Variants in LPA observed in about 807,000 individuals in gnomAD.
LPA encodes lipoprotein(a).
In LPA, 199 loss-of-function variants were observed where a neutral mutation model predicts 197.9. The observed-to-expected ratio is 1.01, with a 90% confidence interval of 0.90 to 1.13. The LOEUF is 1.13. LPA is among the 50% of genes most tolerant of loss of function. The pLI, the probability that LPA is intolerant of heterozygous loss-of-function variation, is 0.00. For missense variants in LPA, 1,853 were observed against 1,785.8 expected, an observed-to-expected ratio of 1.04 and a Z score of -0.68; for synonymous variants, 715 against 639.5, an observed-to-expected ratio of 1.12 and a Z score of -1.78.
In LPA at chr6:160,660,899, T is replaced by C. The variant is rs1780213645; in HGVS notation, c.49+3267A>G. On this transcript the variant is annotated intron_variant, in intron 1 of 38. Transcript: ENST00000316300. ...CAAGGTGTTGATAGGCATCCAGATTTCAGAGGAAATTGTAAAAAAGCAGAA... is the reference window on the plus strand; with the variant it reads ...CAAGGTGTTGATAGGCATCCAGATTCCAGAGGAAATTGTAAAAAAGCAGAA... Among the ~76,000 whole-genome samples the C allele has an allele frequency of 2.6e-5, 4 of 152,290 alleles. No individual in the cohort carries two copies. The East Asian group carries it at 7.7e-4, about 29-fold the overall frequency.
intron 22 of LPA, among the ~76,000 whole-genome samples, chr6:160,593,559 T>C (rs534055770): frequency 1.7e-4 from 26 of 152,272 alleles, no homozygotes; most frequent in African/African-American, 5.5e-4. Flanking sequence ...AGATATCCTT[T>C]ATTTGTTGCC....
rs370766603 is a variant in LPA at position 160,606,643 on chromosome 6, G to T, written c.2619C>A (p.Asn873Lys). The T allele has an allele frequency of 6.2e-7, 1 of 1,614,040 alleles. No homozygotes were observed. The highest frequency in any genetic ancestry group is 8.5e-7 in the Non-Finnish European group (1 of 1,179,950). Residue 873 changes from asparagine to lysine, a missense_variant, in exon 17 of 39, where the codon AAC (asparagine) becomes AAA (lysine). Around this residue, in one of 3 missense-constraint regions of LPA, gnomAD observed 1,737 missense variants for 1,504.4 expected, o/e 1.15. Coordinates refer to ENST00000316300, the MANE Select transcript of LPA (RefSeq NM_005577.4). The stretch of plus-strand genomic sequence containing the variant: ...CCACAGGATCTGGATTCCTGCAGTA[G>T]TTCATGATCAAGCCACTGGAAATTC... ...EYYPNAGLIM[N>K]YCRNPDPVAA...
At position 160,605,197 on chromosome 6, in the gene LPA, C is replaced by T. The variant is rs1189864114; in HGVS notation, c.2794G>A (p.Glu932Lys). 5.6e-6 allele frequency: 9 copies of T among 1,613,636 alleles called. No individual in the cohort carries two copies. The highest frequency in any genetic ancestry group is 1.1e-5 in the South Asian group (1 of 91,084). The change falls in exon 18 of 39, where the codon GAG becomes AAG. Residue 932 changes from glutamate (E) to lysine (K), a missense_variant. By Grantham distance (56) the Glu-to-Lys change is moderately conservative. Transcript: ENST00000316300. ...CACTCCTGCACCCCAGGCCTTTGCT[C>T]AGTTGGTGCTGAAATGAAAAGAAAA... Reference protein sequence around the residue: ...LEAPSEQAPTEQRPGVQECYH... With the variant: ...LEAPSEQAPTKQRPGVQECYH...
chr6:160,611,170 A>T (rs531384954), intron 16 of LPA, among the ~76,000 whole-genome samples: 25 of 152,258 alleles, frequency 1.6e-4, no homozygotes, highest in African/African-American at 5.5e-4. Flanking sequence ...TTTCCTCATG[A>T]GCCCAGACAG....
chr6:160,634,528 T>C (rs1159941421), intron 7 of LPA, among the ~76,000 whole-genome samples: 1 of 141,088 alleles, frequency 7.1e-6, no homozygotes, highest in Non-Finnish European at 1.5e-5. Context: ...CTAACCTTTC[T>C]CTCTAGACCC....
At chr6:160,599,142 G>A (rs1779188045) in intron 20 of LPA, among the ~76,000 whole-genome samples, 1 of 152,182 alleles carries the variant, frequency 6.6e-6, no homozygotes, top group Non-Finnish European at 1.5e-5. Context: ...AGGAGACCAA[G>A]ACCATCCTGG....
chr6:160,578,166 T>TA (rs780232259), intron 27 of LPA, among the ~76,000 whole-genome samples: 8 of 152,192 alleles, frequency 5.3e-5, no homozygotes, highest in Non-Finnish European at 1.0e-4. Context: ...AAGTCTACTT[T>TA]AAATCACTGG....
intron 26 of LPA, among the ~76,000 whole-genome samples, chr6:160,584,828 A>G (rs2115038053): frequency 6.6e-6 from 1 of 152,244 alleles, no homozygotes; most frequent in Middle Eastern, 3.4e-3. Context: ...CCACCTCCAT[A>G]TATCCTGCTG....
chr6:160,586,597 A>C lies in LPA; in HGVS notation c.3981T>G (p.Asp1327Glu). ...TATAACACCAAGGGCGAATCTCAGC[A>C]TCTGGATTCCTGCAGTAGTTCCTGG... ...GLTRNYCRNP[D>E]AEIRPWCYTM... Residue 1327 changes from aspartate (D) to glutamate (E), a missense_variant, in exon 25 of 39, where the codon GAT becomes GAG. By Grantham distance (45) the Asp-to-Glu change is conservative. Coordinates refer to ENST00000316300, the MANE Select transcript of LPA (RefSeq NM_005577.4). 2 of 1,613,792 alleles carry C rather than the reference A, an allele frequency of 1.2e-6. No homozygotes were observed. The highest frequency in any genetic ancestry group is 1.7e-6 in the Non-Finnish European group (2 of 1,179,794).
At chr6:160,652,124 A>G (rs1780018371) in intron 1 of LPA, among the ~76,000 whole-genome samples, 1 of 151,650 alleles carries the variant, frequency 6.6e-6, no homozygotes, top group Non-Finnish European at 1.5e-5. Context: ...AGAGAAGTGA[A>G]AAAAAAAACA....
At chr6:160,602,254 T>C (rs1779258627) in intron 18 of LPA, among the ~76,000 whole-genome samples, 2 of 152,194 alleles carry the variant, frequency 1.3e-5, no homozygotes, top group African/African-American at 4.8e-5. Context: ...TTTGGATACA[T>C]GGAAAATTCT....
At position 160,551,981 on chromosome 6, in the gene LPA, A is replaced by G. The variant is rs1003765878; in HGVS notation, c.4974-3322T>C. Among the ~76,000 whole-genome samples the G allele has an allele frequency of 2.0e-5, 3 of 150,854 alleles. No homozygotes were observed. In the East Asian group the frequency reaches 5.8e-4, roughly 29 times the overall value. ...CAGGCTGGAATGCAGAGGCATGATC[A>G]ATGCTCACTCATGGCTAGACCTCCT... On this transcript the variant is annotated intron_variant, in intron 30 of 38. Transcript: ENST00000316300.
At chr6:160,561,854 C>T (rs1170671538) in intron 28 of LPA, among the ~76,000 whole-genome samples, 1 of 152,120 alleles carries the variant, frequency 6.6e-6, no homozygotes, top group Non-Finnish European at 1.5e-5. Flanking sequence ...GGAATTCACT[C>T]AGGATTTGGC....
At chr6:160,576,230 C>T (rs1207644869) in intron 28 of LPA, among the ~76,000 whole-genome samples, 9 of 150,556 alleles carry the variant, frequency 6.0e-5, no homozygotes, top group East Asian at 1.9e-4. Context: ...GACTCTCATC[C>T]GCCTTCCTGC....
rs775579020 is a variant in LPA, at chr6:160,540,115, A to G, written c.5663T>C (p.Val1888Ala). Reference sequence around the variant, plus strand: ...CAGCCTAGACACTTCTATTTCCTGAACATGAGATTCGAGGTTCACTTCTTG... The same window carrying G: ...CAGCCTAGACACTTCTATTTCCTGAGCATGAGATTCGAGGTTCACTTCTTG... The part of the protein sequence containing the change: ...AHQEVNLESH[V>A]QEIEVSRLFL... The change falls in exon 36 of 39, where the codon GTT (valine) becomes GCT (alanine). Residue 1888 changes from valine to alanine, a missense_variant. By Grantham distance (64) the Val-to-Ala change is moderately conservative (BLOSUM62 0). Transcript: ENST00000316300. 6.2e-7 allele frequency: 1 copy of G among 1,614,116 alleles called. No homozygotes were observed. The highest frequency in any genetic ancestry group is 8.5e-7 in the Non-Finnish European group (1 of 1,180,008).
intron 37 of LPA, among the ~76,000 whole-genome samples, chr6:160,535,623 G>A (rs1777882471): frequency 6.6e-6 from 1 of 151,704 alleles, no homozygotes; most frequent in East Asian, 2.0e-4. Context: ...GATGATATTG[G>A]TGATGGTGGT....
chr6:160,553,954 T>TGCGCGCGCGC (rs1554231703), intron 30 of LPA, among the ~76,000 whole-genome samples: 2 of 130,748 alleles, frequency 1.5e-5, no homozygotes, highest in African/African-American at 6.1e-5. Context: ...TGTGTGTGTG[T>TGCGCGCGCGC]GCGCGCGCGC....
At chr6:160,539,446 T>G (rs965227445) in intron 36 of LPA, among the ~76,000 whole-genome samples, 10 of 117,000 alleles carry the variant, frequency 8.5e-5, no homozygotes, top group East Asian at 6.4e-4. Flanking sequence ...GTTGTGTGGG[T>G]TTTTTTTTTT....
At chr6:160,567,446 T>A (rs1272380274) in intron 28 of LPA, among the ~76,000 whole-genome samples, 1 of 151,994 alleles carries the variant, frequency 6.6e-6, no homozygotes. Flanking sequence ...TTGAAACCAA[T>A]GACAACAAAG....
Sources: gnomAD v4.1 joint callset for allele counts (sites outside exome capture counted in the v4.1 genomes callset) on GRCh38, gnomAD v4.1.1 for gene constraint, gnomAD v4.1.1 regional missense constraint, MANE v1.5 for transcripts, NCBI Gene and HGNC (gene_info 2026-07-23, HGNC 2026-07-21) for gene names.